Variants in SUMF1 observed in about 807,000 individuals in gnomAD.
SUMF1 encodes the protein sulfatase modifying factor 1, also known as formylglycine-generating enzyme.
A neutral mutation model predicts 47.6 loss-of-function variants in SUMF1; 48 were observed. The ratio of observed to expected loss-of-function variants is 1.01; its 90% CI spans 0.80 to 1.28. The LOEUF (loss-of-function observed/expected upper bound fraction) is 1.28, where lower values mean the gene tolerates loss of function less well. SUMF1 is among the 50% of genes most tolerant of loss of function. The pLI, the probability that SUMF1 is intolerant of heterozygous loss-of-function variation, is 0.00. For synonymous variants in SUMF1, 230 were observed against 192.1 expected (o/e 1.20, Z -1.63); for missense variants, 571 against 485.4 (o/e 1.18, Z -1.66).
intron 8 of SUMF1, among the ~76,000 whole-genome samples, chr3:4,241,617 C>G (rs1289202025): frequency 1.3e-5 from 2 of 152,092 alleles, no homozygotes; most frequent in Admixed American, 1.3e-4. Flanking sequence ...TTCTTTCTAT[C>G]AACAATTATT....
chr3:4,427,568 C>A (rs911049812), intron 3 of SUMF1, among the ~76,000 whole-genome samples: 1 of 152,172 alleles, frequency 6.6e-6, no homozygotes, highest in African/African-American at 2.4e-5. Flanking sequence ...CAAATTAAAT[C>A]CTAAATCAGG....
At chr3:4,390,204 T>C (rs566792343) in intron 7 of SUMF1, among the ~76,000 whole-genome samples, 47 of 152,282 alleles carry the variant, frequency 3.1e-4, no homozygotes, top group Non-Finnish European at 5.9e-4. Flanking sequence ...TATTAACGAT[T>C]CAGAAGGGAC....
intron 8 of SUMF1, among the ~76,000 whole-genome samples, chr3:4,120,843 C>T (rs17039977): frequency 0.05 from 7,644 of 152,202 alleles, 512 homozygotes; most frequent in East Asian, 0.15. Context: ...ATTTTGGTTC[C>T]ACAATTTACT....
At chr3:4,049,176 T>C (rs989648878) in intron 9 of SUMF1, among the ~76,000 whole-genome samples, 1 of 152,200 alleles carries the variant, frequency 6.6e-6, no homozygotes, top group African/African-American at 2.4e-5. Flanking sequence ...TTGCAGGCTG[T>C]CTGAGGTCAT....
chr3:4,275,672 T>G (rs1298965019), intron 8 of SUMF1, among the ~76,000 whole-genome samples: 12 of 152,162 alleles, frequency 7.9e-5, no homozygotes, highest in Admixed American at 6.5e-4. Context: ...CCCAAAGTAC[T>G]TAGCTCTGGG....
intron 8 of SUMF1, among the ~76,000 whole-genome samples, chr3:4,325,508 G>A (rs1182903103): frequency 6.6e-6 from 1 of 152,046 alleles, no homozygotes; most frequent in Non-Finnish European, 1.5e-5. Flanking sequence ...TGGCAGGCAC[G>A]AAGGTGGCAT....
intron 8 of SUMF1, among the ~76,000 whole-genome samples, chr3:4,177,723 A>G (rs1319293498): frequency 1.3e-5 from 2 of 152,138 alleles, no homozygotes; most frequent in African/African-American, 2.4e-5. Context: ...GACACAAAAA[A>G]CCATTCAAAA....
intron 8 of SUMF1, among the ~76,000 whole-genome samples, chr3:4,069,522 C>G (rs1308268243): frequency 6.6e-6 from 1 of 152,158 alleles, no homozygotes; most frequent in Non-Finnish European, 1.5e-5. Context: ...TATGTGCCCT[C>G]TTCCATTTCT....
At position 4,181,207 on chromosome 3, in the gene SUMF1, C is replaced by A. The variant is rs946929532; in HGVS notation, c.1015-112462G>T. Among the ~76,000 whole-genome samples, 3 of 152,180 alleles carry A rather than the reference C, an allele frequency of 2.0e-5. No individual in the cohort carries two copies. In the South Asian group the frequency reaches 6.2e-4, roughly 32 times the overall value. ...TTGGTAAAGGGAACATTTTTTAATT[C>A]ATGTTTTCCTTCGCTCTGTTGTCAG... On this transcript the variant is annotated intron_variant and NMD_transcript_variant, in intron 8 of 12. Transcript: ENST00000448413.
intron 8 of SUMF1, among the ~76,000 whole-genome samples, chr3:4,216,110 T>A (rs920570771): frequency 6.6e-6 from 1 of 152,140 alleles, no homozygotes; most frequent in African/African-American, 2.4e-5. Context: ...AGAACAAAGC[T>A]GGAGGCATCA....
rs374878943 is a variant in SUMF1 at position 4,167,767 on chromosome 3, G to A, written c.1015-99022C>T. Among the ~76,000 whole-genome samples the A allele has an allele frequency of 3.0e-4, 46 of 152,244 alleles. No individual in the cohort carries two copies. In the South Asian group the frequency reaches 3.5e-3, roughly 12 times the overall value. On this transcript the variant is annotated intron_variant and NMD_transcript_variant, in intron 8 of 12. Transcript: ENST00000448413. ...CAGCAGAAAGGTCAAAGAAGCAAGC[G>A]CTAAGATTTGACTTATATTTATCTG...
intron 9 of SUMF1, among the ~76,000 whole-genome samples, chr3:4,040,583 A>G (rs922346117): frequency 2.6e-5 from 4 of 152,242 alleles, no homozygotes; most frequent in Non-Finnish European, 4.4e-5. Flanking sequence ...GCCAGTCTAA[A>G]TAGAAGGAAG....
chr3:4,091,899 A>G (rs75700504), intron 8 of SUMF1, among the ~76,000 whole-genome samples: 1 of 151,700 alleles, frequency 6.6e-6, no homozygotes, highest in African/African-American at 2.4e-5. Flanking sequence ...AAAAAAAAAA[A>G]AACCATCTTC....
intron 8 of SUMF1, among the ~76,000 whole-genome samples, chr3:4,202,843 T>C (rs897900112): frequency 4.6e-5 from 7 of 152,050 alleles, no homozygotes; most frequent in Admixed American, 2.6e-4. Flanking sequence ...CCATTGGTCA[T>C]TCAGGAGCAT....
intron 8 of SUMF1, among the ~76,000 whole-genome samples, chr3:4,298,920 A>G (rs1697911150): frequency 6.6e-6 from 1 of 152,138 alleles, no homozygotes; most frequent in African/African-American, 2.4e-5. Flanking sequence ...TCTTTTTATT[A>G]CTTTGCTTCT....
intron 8 of SUMF1, among the ~76,000 whole-genome samples, chr3:4,087,210 C>G (rs77794794): frequency 0.026 from 4,000 of 151,972 alleles, 201 homozygotes; most frequent in African/African-American, 0.09. Flanking sequence ...GACACAGACT[C>G]TGTGTGTGAC....
chr3:4,234,282 G>A (rs768449565), intron 8 of SUMF1, among the ~76,000 whole-genome samples: 1 of 151,534 alleles, frequency 6.6e-6, no homozygotes, highest in African/African-American at 2.4e-5. Flanking sequence ...AAATAAATTC[G>A]CATGCAAGAA....
chr3:4,414,330 CAA>C lies in SUMF1; in HGVS notation c.840+2796_840+2797del, dbSNP rs1490091126. 3.9e-5 allele frequency among the ~76,000 whole-genome samples: 6 copies of C among 152,128 alleles called. No individual in the cohort carries two copies. In the East Asian group the frequency reaches 1.2e-3, roughly 29 times the overall value. On this transcript the variant is annotated intron_variant, in intron 6 of 8. Coordinates refer to ENST00000272902, the MANE Select transcript of SUMF1 (RefSeq NM_182760.4). Reference sequence around the variant, plus strand: ...TGGGCAACAGAGCAGGACCCTGTCTCAAATAAATAAAATGAGACCTGAAATAA... The same window carrying C: ...TGGGCAACAGAGCAGGACCCTGTCTCATAAATAAAATGAGACCTGAAATAA...
intron 8 of SUMF1, among the ~76,000 whole-genome samples, chr3:4,135,883 A>G (rs966377106): frequency 6.6e-6 from 1 of 152,166 alleles, no homozygotes; most frequent in African/African-American, 2.4e-5. Flanking sequence ...CAATTGCTTC[A>G]AAGAGAATAA....
Sources: allele counts gnomAD v4.1 joint callset (sites outside exome capture counted in the v4.1 genomes callset), GRCh38; gene constraint gnomAD v4.1.1; transcripts MANE v1.5; gene names NCBI Gene and HGNC (gene_info 2026-07-23, HGNC 2026-07-21).